ANKRD36: variants seen among roughly 807,000 people sequenced by gnomAD.
The protein encoded by ANKRD36 is ankyrin repeat domain 36, also known as ankyrin repeat domain-containing protein 36A.
Under a neutral mutation model 278.1 loss-of-function variants are expected in ANKRD36, and 179 were observed. That is an observed-to-expected ratio of 0.64 (90% CI 0.57 to 0.73). ANKRD36 has a LOEUF of 0.73. Among genes scored for constraint, ANKRD36 ranks in the 30% least tolerant of loss-of-function variants. ANKRD36 has a pLI of 0.00. For missense variants in ANKRD36, 1,159 were observed against 1,956.7 expected (o/e 0.59, Z 7.69); for synonymous variants, 320 against 641.1 (o/e 0.50, Z 7.57).
At chr2:97,154,577 A>AT (rs1207519322) in intron 14 of ANKRD36, 98 bp from the exon 15 acceptor site, 153 of 993,658 alleles carry the variant, frequency 1.5e-4, no homozygotes, top group African/African-American at 3.0e-4. Flanking sequence ...TTGTTTTACC[A>AT]TTTTTTTTGG....
chr2:97,148,854 G>T (rs1434602722), intron 11 of ANKRD36, among the ~76,000 whole-genome samples: 1 of 150,050 alleles, frequency 6.7e-6, no homozygotes, highest in Admixed American at 6.7e-5. Context: ...ATCAGAAATA[G>T]ATAATGGAGA....
chr2:97,162,725 G>GT (rs1256138985), intron 18 of ANKRD36, among the ~76,000 whole-genome samples: 1 of 144,172 alleles, frequency 6.9e-6, no homozygotes, highest in Admixed American at 7.1e-5. Context: ...CTCTATAGGG[G>GT]TTACACATCA....
chr2:97,199,802 A>G (rs1429794195), intron 44 of ANKRD36, among the ~76,000 whole-genome samples: 1 of 151,926 alleles, frequency 6.6e-6, no homozygotes, highest in Non-Finnish European at 1.5e-5. Context: ...ACAGATATCC[A>G]AGGTGATCAA....
chr2:97,198,936 C>T (rs1355084972), intron 44 of ANKRD36, among the ~76,000 whole-genome samples: 4 of 151,970 alleles, frequency 2.6e-5, no homozygotes, highest in Non-Finnish European at 1.5e-5. Context: ...CATAATTTTG[C>T]TTTAATTCTC....
rs201418606 is a variant in ANKRD36, at chr2:97,130,948, G to GT, written c.799+3815dup. 6.7e-3 allele frequency among the ~76,000 whole-genome samples: 1,019 copies of GT among 152,160 alleles called. 54 individuals are homozygous for GT. The East Asian group carries it at 0.11, about 16-fold the overall frequency. On this transcript the variant is annotated intron_variant, in intron 6 of 75. Transcript: ENST00000420699. ...TTTATATCTTTAGCACAGTGACAGTGTAAGTGATGCTGCTCCTTTAAGATT... is the reference window on the plus strand; with the variant it reads ...TTTATATCTTTAGCACAGTGACAGTGTTAAGTGATGCTGCTCCTTTAAGATT...
chr2:97,199,677 A>G (rs1299456852), intron 44 of ANKRD36, among the ~76,000 whole-genome samples: 2 of 151,872 alleles, frequency 1.3e-5, no homozygotes, highest in East Asian at 1.9e-4. Flanking sequence ...TTCGGTGCCA[A>G]GAGTGGATGA....
chr2:97,207,147 T>C (rs898576875), intron 52 of ANKRD36, among the ~76,000 whole-genome samples: 35 of 151,516 alleles, frequency 2.3e-4, no homozygotes, highest in African/African-American at 8.2e-4. Context: ...TATTATCCTT[T>C]GTTGCCATGA....
chr2:97,145,306 A>T (rs1485863023), intron 10 of ANKRD36, among the ~76,000 whole-genome samples: 3 of 152,074 alleles, frequency 2.0e-5, no homozygotes, highest in East Asian at 1.9e-4. Flanking sequence ...TGGCTGCTCC[A>T]GGAACTACTG....
intron 6 of ANKRD36, among the ~76,000 whole-genome samples, chr2:97,129,653 G>C (rs1482648658): frequency 6.6e-6 from 1 of 152,022 alleles, no homozygotes; most frequent in African/African-American, 2.4e-5. Context: ...TTTGTATAAG[G>C]TGTAAGGAAG....
At chr2:97,155,824 A>G (rs1360643212) in intron 15 of ANKRD36, among the ~76,000 whole-genome samples, 2 of 146,840 alleles carry the variant, frequency 1.4e-5, no homozygotes, top group African/African-American at 2.4e-5. Context: ...TTAAGCACCC[A>G]GAATAATGTC....
chr2:97,163,545 C>T (rs563611303), intron 18 of ANKRD36: 38 of 265,998 alleles, frequency 1.4e-4, no homozygotes, highest in South Asian at 1.2e-3. Context: ...TGATTGAGAG[C>T]ATTTCCTGCC....
chr2:97,116,749 A>G (rs1012439691), intron 1 of ANKRD36, among the ~76,000 whole-genome samples: 6 of 152,106 alleles, frequency 3.9e-5, no homozygotes, highest in Admixed American at 1.3e-4. Flanking sequence ...TAATTATTTT[A>G]GTTTATCAGT....
chr2:97,172,628 G>A (rs1361131581), intron 22 of ANKRD36, among the ~76,000 whole-genome samples: 8 of 152,074 alleles, frequency 5.3e-5, no homozygotes, highest in Non-Finnish European at 8.8e-5. Flanking sequence ...GAGACTAACA[G>A]TAAGGAGTGG....
intron 1 of ANKRD36, among the ~76,000 whole-genome samples, chr2:97,116,558 G>T (rs1472350045): frequency 2.6e-5 from 4 of 152,052 alleles, no homozygotes; most frequent in Non-Finnish European, 5.9e-5. Context: ...ACAGGTGTGA[G>T]CCACTGTGCC....
At chr2:97,175,653 T>C (rs559330745) in intron 22 of ANKRD36, among the ~76,000 whole-genome samples, 97 of 151,718 alleles carry the variant, frequency 6.4e-4, no homozygotes, top group South Asian at 1.7e-3. Context: ...CAGTTATTTC[T>C]TGCCTTCTGC....
intron 8 of ANKRD36, 30 bp downstream of exon 8, chr2:97,142,865 T>C (rs779899993): frequency 9.7e-6 from 15 of 1,542,436 alleles, no homozygotes; most frequent in Non-Finnish European, 1.3e-5. Flanking sequence ...TAATGTCATG[T>C]TCACTCAGGA....
At chr2:97,232,838 G>C (rs2072622968) in intron 67 of ANKRD36, among the ~76,000 whole-genome samples, 2 of 151,984 alleles carry the variant, frequency 1.3e-5, no homozygotes, top group Non-Finnish European at 2.9e-5. Context: ...AAGAAACCCA[G>C]AAGTAGTTAT....
intron 15 of ANKRD36, among the ~76,000 whole-genome samples, chr2:97,156,386 A>G (rs373402802): frequency 1.4e-5 from 2 of 139,982 alleles, no homozygotes; most frequent in African/African-American, 5.0e-5. Context: ...CCACCCCACA[A>G]CAGTCCCCAG....
intron 48 of ANKRD36, among the ~76,000 whole-genome samples, chr2:97,203,642 A>G (rs1204905534): frequency 6.6e-6 from 1 of 151,824 alleles, no homozygotes; most frequent in Non-Finnish European, 1.5e-5. Flanking sequence ...CAAGTTAAAG[A>G]GCATGATGAA....
Sources: allele counts gnomAD v4.1 joint callset (sites outside exome capture counted in the v4.1 genomes callset), GRCh38; gene constraint gnomAD v4.1.1; transcripts MANE v1.5; gene names NCBI Gene and HGNC (gene_info 2026-07-23, HGNC 2026-07-21).